The following PLEKHD1 variants were observed in gnomAD, a reference collection of about 807,000 sequenced individuals.
PLEKHD1 encodes the protein pleckstrin homology and coiled-coil domain containing D1.
A neutral mutation model predicts 69.2 loss-of-function variants in PLEKHD1; 51 were observed. The observed-to-expected ratio is 0.74, with a 90% CI of 0.59 to 0.93. The LOEUF is 0.93. PLEKHD1 is among the 40% of genes least tolerant of loss of function. PLEKHD1 has a pLI of 0.00. For missense variants in PLEKHD1, 584 were observed against 641.0 expected (o/e 0.91, Z 0.96); for synonymous variants, 236 against 244.7 (o/e 0.96, Z 0.33).
At chr14:69,480,723 G>A (rs1882526853), upstream of PLEKHD1, among the ~76,000 whole-genome samples, 1 of 152,032 alleles carries the variant, frequency 6.6e-6, no homozygotes, top group Non-Finnish European at 1.5e-5. Flanking sequence ...CACAATCTTG[G>A]CTTACTGCAA....
At chr14:69,470,861 G>A in the PLEKHD1 span, among the ~76,000 whole-genome samples, 21 of 150,902 alleles carry the variant, frequency 1.4e-4, no homozygotes, top group Non-Finnish European at 2.2e-4. Context: ...CCGCGATCTC[G>A]GCTCACTGCA....
chr14:69,477,957 CTA>C, the PLEKHD1 span, among the ~76,000 whole-genome samples: 2 of 152,230 alleles, frequency 1.3e-5, no homozygotes, highest in African/African-American at 4.8e-5. Context: ...AGTAGGGACT[CTA>C]TGTGGGGGTT....
At chr14:69,472,144 G>T in the PLEKHD1 span, among the ~76,000 whole-genome samples, 4 of 152,092 alleles carry the variant, frequency 2.6e-5, no homozygotes, top group East Asian at 7.7e-4. Context: ...TGCCCACTCG[G>T]TCACTCACCC....
At chr14:69,485,233 C>G in intron 1 of PLEKHD1, 119 bp downstream of exon 1, 1 of 1,180,208 alleles carries the variant, frequency 8.5e-7, no homozygotes, top group Non-Finnish European at 1.2e-6. Context: ...TTGGCGTCAC[C>G]CCTTTTCACT....
chr14:69,473,763 G>C, the PLEKHD1 span, among the ~76,000 whole-genome samples: 1 of 152,182 alleles, frequency 6.6e-6, no homozygotes, highest in East Asian at 1.9e-4. Context: ...GAAGGGGATC[G>C]AGGGGGAGAT....
chr14:69,497,571 G>A (rs1006525898), intron 1 of PLEKHD1, among the ~76,000 whole-genome samples: 6 of 152,264 alleles, frequency 3.9e-5, no homozygotes, highest in Non-Finnish European at 8.8e-5. Flanking sequence ...GAAAGAGGGA[G>A]GGCATTCCAG....
At chr14:69,474,157 T>C in the PLEKHD1 span, among the ~76,000 whole-genome samples, 1 of 152,156 alleles carries the variant, frequency 6.6e-6, no homozygotes, top group Non-Finnish European at 1.5e-5. Context: ...TAGCTAGCCC[T>C]GAGAAGTGGG....
rs917334866 is a variant in PLEKHD1, at chr14:69,530,587, A to C, written c.*2168A>C. ...TTCTTGGGCGAGCTATTAACCAGAC[A>C]GGAAAGTGCTAGTCTTCGTTTGCTT... is the stretch of plus-strand genomic sequence containing the variant. On this transcript the variant is annotated 3_prime_UTR_variant, in exon 13 of 13. Transcript: ENST00000322564. 2.6e-5 allele frequency: 4 copies of C among 152,328 alleles called. No individual in the cohort carries two copies. The highest frequency in any genetic ancestry group is 9.6e-5 in the African/African-American group (4 of 41,576). 9.4% of individuals were successfully genotyped at this position (152,328 alleles called of 1,614,324 possible). A position where few individuals can be genotyped will look rare whatever the true frequency, so the allele number is the denominator to read the frequency against.
At chr14:69,507,650 C>T (rs1245717931) in intron 6 of PLEKHD1, among the ~76,000 whole-genome samples, 4 of 152,226 alleles carry the variant, frequency 2.6e-5, no homozygotes, top group African/African-American at 7.2e-5. Context: ...GTTCCTGTTG[C>T]TCCACATCCT....
chr14:69,470,599 G>C, the PLEKHD1 span, among the ~76,000 whole-genome samples: 1 of 152,158 alleles, frequency 6.6e-6, no homozygotes, highest in African/African-American at 2.4e-5. Context: ...TAAAGAAAGA[G>C]GCAATGTGGT....
chr14:69,477,453 C>T, the PLEKHD1 span, among the ~76,000 whole-genome samples: 19 of 152,322 alleles, frequency 1.2e-4, no homozygotes, highest in African/African-American at 3.8e-4. Context: ...GCCTTCCCAA[C>T]AGTCCCCCAG....
chr14:69,478,802 C>T, the PLEKHD1 span, among the ~76,000 whole-genome samples: 1 of 152,148 alleles, frequency 6.6e-6, no homozygotes, highest in Non-Finnish European at 1.5e-5. Flanking sequence ...CCAAACTTTC[C>T]CACATTTTCC....
chr14:69,520,092 G>C (rs1353936778), intron 6 of PLEKHD1, among the ~76,000 whole-genome samples: 4 of 149,324 alleles, frequency 2.7e-5, no homozygotes, highest in Non-Finnish European at 5.9e-5. Context: ...GCTTGAACCA[G>C]GGAGGCGGAG....
chr14:69,495,018 C>A (rs190703951), intron 1 of PLEKHD1, among the ~76,000 whole-genome samples: 1 of 152,286 alleles, frequency 6.6e-6, no homozygotes, highest in African/African-American at 2.4e-5. Flanking sequence ...TCCACCCAAG[C>A]CATTCTGGGG....
At chr14:69,502,102 C>A in intron 5 of PLEKHD1, 1 of 295,970 alleles carries the variant, frequency 3.4e-6, no homozygotes, top group Non-Finnish European at 6.3e-6. Flanking sequence ...TTAGGCAGCT[C>A]AGCCTCTCTA....
In PLEKHD1 at chr14:69,484,896, C is replaced by T; in HGVS notation, c.-70C>T. ...CGCTCTCCGACGGCTCCGCCCTCGC[C>T]TCTCGCCCCGAGTCCCTGCTGACCC... On this transcript the variant is annotated 5_prime_UTR_variant, in exon 1 of 13. Coordinates refer to ENST00000322564, the MANE Select transcript of PLEKHD1 (RefSeq NM_001161498.2). 1 of 1,515,106 alleles carries T rather than the reference C, an allele frequency of 6.6e-7. No homozygotes were observed. Among genetic ancestry groups the T allele is most frequent in the Admixed American group, 2.0e-5 (1 of 49,388 alleles). 93.9% of individuals were successfully genotyped at this position (1,515,106 alleles called of 1,614,324 possible). A position where few individuals can be genotyped will look rare whatever the true frequency, so the allele number is the denominator to read the frequency against.
chr14:69,469,510 A>G, the PLEKHD1 span, among the ~76,000 whole-genome samples: 2 of 151,854 alleles, frequency 1.3e-5, no homozygotes, highest in Non-Finnish European at 2.9e-5. Context: ...CTTGGGCTCC[A>G]GTGATCCTCC....
intron 7 of PLEKHD1, among the ~76,000 whole-genome samples, chr14:69,522,985 G>A (rs1372731066): frequency 6.6e-6 from 1 of 152,118 alleles, no homozygotes; most frequent in Non-Finnish European, 1.5e-5. Flanking sequence ...CCAGGCTGGA[G>A]TGCAGTGGCA....
chr14:69,481,254 T>A (rs1882536350), upstream of PLEKHD1, among the ~76,000 whole-genome samples: 1 of 152,066 alleles, frequency 6.6e-6, no homozygotes, highest in Non-Finnish European at 1.5e-5. Flanking sequence ...GCTCAGGAGG[T>A]CGAGGCTGCA....
Sources: allele counts gnomAD v4.1 joint callset (sites outside exome capture counted in the v4.1 genomes callset), GRCh38; gene constraint gnomAD v4.1.1; transcripts MANE v1.5; gene names NCBI Gene and HGNC (gene_info 2026-07-23, HGNC 2026-07-21).